Variants in GPC5 observed in about 807,000 individuals in gnomAD.
GPC5 encodes the protein glypican-5.
A neutral mutation model predicts 53.9 loss-of-function variants in GPC5; 47 were observed. The ratio of observed to expected loss-of-function variants is 0.87; its 90% CI spans 0.69 to 1.11. The LOEUF is 1.11. Among genes scored for constraint, GPC5 ranks in the 50% most tolerant of loss-of-function variants. GPC5 has a pLI of 0.00. For synonymous variants in GPC5, 286 were observed against 263.3 expected, an observed-to-expected ratio of 1.09 and a Z score of -0.84; for missense variants, 748 against 713.1, an observed-to-expected ratio of 1.05 and a Z score of -0.56.
intron 2 of GPC5, among the ~76,000 whole-genome samples, chr13:91,474,620 C>A (rs1010868856): frequency 2.0e-5 from 3 of 151,870 alleles, no homozygotes; most frequent in Non-Finnish European, 4.4e-5. Flanking sequence ...TTGTATATAC[C>A]TAATTAAATT....
At chr13:91,412,001 C>G (rs1877829769) in intron 1 of GPC5, among the ~76,000 whole-genome samples, 2 of 152,172 alleles carry the variant, frequency 1.3e-5, no homozygotes, top group South Asian at 4.1e-4. Flanking sequence ...GTTAAATGTT[C>G]CTTTCCCTCC....
intron 7 of GPC5, among the ~76,000 whole-genome samples, chr13:92,233,231 T>C (rs2042544164): frequency 1.3e-5 from 2 of 152,328 alleles, no homozygotes; most frequent in Non-Finnish European, 1.5e-5. Context: ...TAGGAAGAGA[T>C]GAAAATTGTT....
intron 7 of GPC5, among the ~76,000 whole-genome samples, chr13:92,526,434 A>C (rs1881284847): frequency 6.6e-6 from 1 of 152,094 alleles, no homozygotes; most frequent in Non-Finnish European, 1.5e-5. Context: ...AACAGAAATA[A>C]GTCCAGTGTG....
chr13:92,149,218 C>T (rs2041889849), intron 7 of GPC5, among the ~76,000 whole-genome samples: 1 of 151,960 alleles, frequency 6.6e-6, no homozygotes, highest in Non-Finnish European at 1.5e-5. Flanking sequence ...AGTTCTCAAA[C>T]CTTTTATCAT....
At position 91,601,057 on chromosome 13, in the gene GPC5, T is replaced by C. The variant is rs138431144; in HGVS notation, c.326-92130T>C. Among the ~76,000 whole-genome samples the C allele has an allele frequency of 4.9e-3, 744 of 152,314 alleles. 3 individuals carry two copies. The highest frequency in any genetic ancestry group is 8.0e-3 in the Non-Finnish European group (546 of 68,006). ...GTTCAAGACATTCTATTGGGTCTTA[T>C]AAGAAAAGTCTGTTCTTAATGATGT... On this transcript the variant is annotated intron_variant, in intron 2 of 7. Coordinates refer to ENST00000377067, the MANE Select transcript of GPC5 (RefSeq NM_004466.6).
chr13:91,515,086 G>C (rs948360545), intron 2 of GPC5, among the ~76,000 whole-genome samples: 1 of 152,148 alleles, frequency 6.6e-6, no homozygotes, highest in African/African-American at 2.4e-5. Flanking sequence ...TACTGTATTG[G>C]ACAGTGCAGA....
intron 7 of GPC5, among the ~76,000 whole-genome samples, chr13:92,625,940 G>C (rs1315265103): frequency 6.6e-6 from 1 of 152,114 alleles, no homozygotes; most frequent in Non-Finnish European, 1.5e-5. Context: ...TCCTCACTAT[G>C]TAACTTTTTC....
At chr13:91,662,089 C>T (rs752294781) in intron 2 of GPC5, among the ~76,000 whole-genome samples, 2 of 151,930 alleles carry the variant, frequency 1.3e-5, no homozygotes, top group Non-Finnish European at 2.9e-5. Context: ...TGGATGAGAT[C>T]ATCAAAAAGT....
chr13:91,613,247 T>C (rs953166803), intron 2 of GPC5, among the ~76,000 whole-genome samples: 33 of 152,300 alleles, frequency 2.2e-4, no homozygotes, highest in African/African-American at 6.5e-4. Flanking sequence ...TACAGTTCCA[T>C]GTGGCTGGGG....
At chr13:92,791,692 C>T (rs1344131526) in intron 7 of GPC5, among the ~76,000 whole-genome samples, 1 of 151,936 alleles carries the variant, frequency 6.6e-6, no homozygotes. Context: ...TTAGTGTGTA[C>T]ATATATATGT....
intron 6 of GPC5, among the ~76,000 whole-genome samples, chr13:91,973,233 A>G (rs1413834939): frequency 2.0e-5 from 3 of 151,996 alleles, no homozygotes; most frequent in African/African-American, 4.8e-5. Context: ...TCCATCACTG[A>G]TACCCTTTCT....
intron 7 of GPC5, among the ~76,000 whole-genome samples, chr13:92,639,727 A>T (rs1476397294): frequency 6.6e-6 from 1 of 152,324 alleles, no homozygotes; most frequent in African/African-American, 2.4e-5. Flanking sequence ...GTATCTGTAC[A>T]TGGGTAGGGG....
chr13:91,719,811 T>A (rs1341892631), intron 3 of GPC5, among the ~76,000 whole-genome samples: 1 of 150,488 alleles, frequency 6.6e-6, no homozygotes, highest in Non-Finnish European at 1.5e-5. Flanking sequence ...AAATGTTCAA[T>A]GTACTTACTC....
intron 7 of GPC5, among the ~76,000 whole-genome samples, chr13:92,711,080 A>AT (rs1888122677): frequency 6.6e-6 from 1 of 152,194 alleles, no homozygotes; most frequent in African/African-American, 2.4e-5. Flanking sequence ...CAGTGATTTT[A>AT]TATTGAATGT....
chr13:92,586,833 G>T (rs1185600792), intron 7 of GPC5, among the ~76,000 whole-genome samples: 1 of 152,146 alleles, frequency 6.6e-6, no homozygotes, highest in Non-Finnish European at 1.5e-5. Flanking sequence ...TTCTCTATCA[G>T]CAAGGCCAGT....
At chr13:92,209,828 A>G (rs997709103) in intron 7 of GPC5, among the ~76,000 whole-genome samples, 7 of 152,160 alleles carry the variant, frequency 4.6e-5, no homozygotes, top group African/African-American at 9.7e-5. Flanking sequence ...ATTAAGGAAT[A>G]TTGACTCACA....
intron 5 of GPC5, among the ~76,000 whole-genome samples, chr13:91,896,678 A>G (rs534493610): frequency 1.3e-5 from 2 of 152,274 alleles, no homozygotes; most frequent in East Asian, 3.9e-4. Flanking sequence ...CTTCCATTCT[A>G]TTTAGACTCC....
rs1885950517 is a variant in GPC5, at chr13:91,523,772, A to G, written c.325+74850A>G. 2.6e-5 allele frequency among the ~76,000 whole-genome samples: 4 copies of G among 152,242 alleles called. No homozygotes were observed. In the South Asian group the frequency reaches 8.3e-4, roughly 31 times the overall value. On this transcript the variant is annotated intron_variant, in intron 2 of 7. Transcript: ENST00000377067. ...CCCATGTGAGGTGATGGATACATTA[A>G]TTAGCTTAAATGTAGTTAATCACTT...
intron 7 of GPC5, among the ~76,000 whole-genome samples, chr13:92,194,026 C>A (rs1287344213): frequency 6.6e-6 from 1 of 152,090 alleles, no homozygotes; most frequent in Non-Finnish European, 1.5e-5. Flanking sequence ...AGAAACTCAA[C>A]AGTAACTTAA....
Sources: allele counts gnomAD v4.1 joint callset (sites outside exome capture counted in the v4.1 genomes callset), GRCh38; gene constraint gnomAD v4.1.1; transcripts MANE v1.5; gene names NCBI Gene and HGNC (gene_info 2026-07-23, HGNC 2026-07-21).